Variants in RNF111 observed in about 807,000 individuals in gnomAD.
RNF111 encodes the protein E3 ubiquitin-protein ligase Arkadia.
In RNF111, 17 loss-of-function variants were observed where a neutral mutation model predicts 95.1. The observed-to-expected ratio is 0.18, with a 90% CI of 0.12 to 0.27. The LOEUF is 0.27. Among genes scored for constraint, RNF111 ranks in the 10% least tolerant of loss-of-function variants. RNF111 has a pLI of 1.00. For missense variants in RNF111, 1,189 were observed against 1,210.4 expected (o/e 0.98, Z 0.26); for synonymous variants, 440 against 414.8 (o/e 1.06, Z -0.74).
In RNF111 at chr15:59,031,389, A is replaced by C; in HGVS notation, c.567A>C (p.Thr189=). 1 of 1,614,242 alleles carries C rather than the reference A, an allele frequency of 6.2e-7. No homozygotes were observed. Among genetic ancestry groups the C allele is most frequent in the Admixed American group, 1.7e-5 (1 of 60,028 alleles). The change falls in exon 2 of 14, where the codon ACA becomes ACC. Residue 189 remains threonine (T), a synonymous_variant. Coordinates refer to ENST00000348370, the MANE Select transcript of RNF111 (RefSeq NM_017610.8). ...ARSHKWPRTE[T]ESVSGLLMKR... ...CTCATAAGTGGCCTCGGACTGAGAC[A>C]GAATCTGTATCGGGATTGTTAATGA...
intron 10 of RNF111, among the ~76,000 whole-genome samples, chr15:59,086,160 C>T (rs1265436243): frequency 1.3e-5 from 2 of 151,982 alleles, no homozygotes; most frequent in African/African-American, 4.8e-5. Context: ...CACTCTGTCA[C>T]CCAGGCTGGA....
At chr15:59,029,510 T>A (rs1176100797) in intron 1 of RNF111, among the ~76,000 whole-genome samples, 1 of 152,232 alleles carries the variant, frequency 6.6e-6, no homozygotes, top group Non-Finnish European at 1.5e-5. Flanking sequence ...TCTGTAGGAA[T>A]AGGTCATTCT....
intron 1 of RNF111, among the ~76,000 whole-genome samples, chr15:59,009,606 C>G (rs1345310707): frequency 6.6e-6 from 1 of 151,702 alleles, no homozygotes; most frequent in Non-Finnish European, 1.5e-5. Context: ...AAAATTAGAA[C>G]TTGGAGCATT....
At chr15:59,031,776 T>A (rs1021767374) in intron 2 of RNF111, 74 bp downstream of exon 2, 34 of 1,344,380 alleles carry the variant, frequency 2.5e-5, no homozygotes, top group Non-Finnish European at 3.4e-5. Context: ...GTTTGTGTCT[T>A]ACTGATTTTA....
chr15:59,091,036 G>C (rs752066882), intron 11 of RNF111, 23 bp from the exon 12 acceptor site: 4 of 1,428,608 alleles, frequency 2.8e-6, no homozygotes, highest in Non-Finnish European at 3.9e-6. Context: ...GCTTTTACCA[G>C]TCATTATATT....
rs191081004 is a variant in RNF111 at position 59,054,165 on chromosome 15, C to T, written c.1008-1517C>T. 2.3e-3 allele frequency among the ~76,000 whole-genome samples: 354 copies of T among 152,194 alleles called. 4 individuals carry two copies. Among genetic ancestry groups the T allele is most frequent in the Admixed American group, 2.2e-3 (33 of 15,288 alleles). On this transcript the variant is annotated intron_variant, in intron 3 of 13. Transcript: ENST00000348370. ...TATTAGCCAGGCTGGTCTCGAACTC[C>T]TGACCTTGTGATCCACCCGCCTCGG... is the stretch of plus-strand genomic sequence containing the variant.
intron 2 of RNF111, among the ~76,000 whole-genome samples, chr15:59,048,976 C>G (rs758141587): frequency 6.6e-6 from 1 of 152,036 alleles, no homozygotes; most frequent in Admixed American, 6.6e-5. Flanking sequence ...TGGTGTGCAC[C>G]TGTAGTCCCA....
intron 1 of RNF111, among the ~76,000 whole-genome samples, chr15:58,988,853 A>G (rs1372618477): frequency 6.6e-6 from 1 of 152,220 alleles, no homozygotes; most frequent in Non-Finnish European, 1.5e-5. Context: ...GCATTAATTT[A>G]GAATTCTCTT....
chr15:59,046,812 A>G (rs1276398965), intron 2 of RNF111, among the ~76,000 whole-genome samples: 1 of 152,212 alleles, frequency 6.6e-6, no homozygotes, highest in African/African-American at 2.4e-5. Flanking sequence ...AATATTTGCA[A>G]ATAGTATATC....
At chr15:58,998,366 TGTTA>T (rs2039176625) in intron 1 of RNF111, among the ~76,000 whole-genome samples, 2 of 152,118 alleles carry the variant, frequency 1.3e-5, no homozygotes, top group South Asian at 2.1e-4. Flanking sequence ...GCCTAGTACC[TGTTA>T]GTTATTTTTC....
At position 59,064,831 on chromosome 15, in the gene RNF111, C is replaced by T. The variant is rs888810705; in HGVS notation, c.1367-1933C>T. On this transcript the variant is annotated intron_variant, in intron 5 of 13. Coordinates refer to ENST00000348370, the MANE Select transcript of RNF111 (RefSeq NM_017610.8). ...CACAGACCTTGAAGAGATGAGAATCCGGAAAGGCAGGATAAGACATGTAAG... is the reference window on the plus strand; with the variant it reads ...CACAGACCTTGAAGAGATGAGAATCTGGAAAGGCAGGATAAGACATGTAAG... Among the ~76,000 whole-genome samples, 12 of 151,632 alleles carry T rather than the reference C, an allele frequency of 7.9e-5. No individual in the cohort carries two copies. In the East Asian group the frequency reaches 9.7e-4, roughly 12 times the overall value.
chr15:59,089,126 A>G (rs1368249932), intron 10 of RNF111, among the ~76,000 whole-genome samples: 1 of 152,154 alleles, frequency 6.6e-6, no homozygotes, highest in Non-Finnish European at 1.5e-5. Flanking sequence ...CTGAAAGCAC[A>G]AGTGTTGATT....
chr15:59,091,071 T>C lies in RNF111; in HGVS notation c.2656T>C (p.Leu886=). ...TCTTCACTTTCAGGAACTGATTCATTTGGAAGAAAGATTAGGCAATGTCAA... is the reference window on the plus strand; with the variant it reads ...TCTTCACTTTCAGGAACTGATTCATCTGGAAGAAAGATTAGGCAATGTCAA... ...FRGNFEELIH[L]EERLGNVNRG... Residue 886 remains leucine (L), a synonymous_variant, in exon 12 of 14, where the codon TTG becomes CTG. Coordinates refer to ENST00000348370, the MANE Select transcript of RNF111 (RefSeq NM_017610.8). 6.2e-7 allele frequency: 1 copy of C among 1,606,378 alleles called. No homozygotes were observed. The highest frequency in any genetic ancestry group is 1.1e-5 in the South Asian group (1 of 90,402).
chr15:58,999,130 A>G (rs1442047006), intron 1 of RNF111, among the ~76,000 whole-genome samples: 1 of 152,134 alleles, frequency 6.6e-6, no homozygotes, highest in Admixed American at 6.5e-5. Context: ...TCAACTACAT[A>G]TTTGTGTGAA....
In RNF111 at chr15:59,071,324, G is replaced by A. The variant is rs979180905; in HGVS notation, c.1686+4241G>A. Among the ~76,000 whole-genome samples the A allele has an allele frequency of 8.1e-5, 12 of 148,068 alleles. No individual in the cohort carries two copies. The South Asian group carries it at 8.6e-4, about 11-fold the overall frequency. ...AAAAAAAAAAAAAAAAAAAGAATACGAAGAAGTGATTCTTGCCTTTGCTAT... is the reference window on the plus strand; with the variant it reads ...AAAAAAAAAAAAAAAAAAAGAATACAAAGAAGTGATTCTTGCCTTTGCTAT... On this transcript the variant is annotated intron_variant, in intron 6 of 13. Coordinates refer to ENST00000348370, the MANE Select transcript of RNF111 (RefSeq NM_017610.8).
chr15:59,079,087 G>C (rs1303953419), intron 7 of RNF111, among the ~76,000 whole-genome samples: 2 of 152,198 alleles, frequency 1.3e-5, no homozygotes, highest in East Asian at 1.9e-4. Context: ...TTTTGGGAAT[G>C]TGGAATATGT....
chr15:59,074,044 A>G (rs182549552), intron 6 of RNF111, among the ~76,000 whole-genome samples: 4 of 152,320 alleles, frequency 2.6e-5, no homozygotes, highest in African/African-American at 9.6e-5. Context: ...GCCAAGCAGT[A>G]ACATTTTGAA....
At chr15:59,041,475 C>T (rs1596172331) in intron 2 of RNF111, among the ~76,000 whole-genome samples, 1 of 152,222 alleles carries the variant, frequency 6.6e-6, no homozygotes, top group Admixed American at 6.5e-5. Flanking sequence ...ACTGCTTGAA[C>T]CCAGGAGGCG....
intron 1 of RNF111, among the ~76,000 whole-genome samples, chr15:59,019,348 A>G (rs2040221726): frequency 6.6e-6 from 1 of 152,158 alleles, no homozygotes; most frequent in East Asian, 1.9e-4. Context: ...GGCCATTTGA[A>G]AAAATACAGT....
Sources: gnomAD v4.1 joint callset for allele counts (sites outside exome capture counted in the v4.1 genomes callset) on GRCh38, gnomAD v4.1.1 for gene constraint, MANE v1.5 for transcripts, NCBI Gene and HGNC (gene_info 2026-07-23, HGNC 2026-07-21) for gene names.